The following IQCM variants were observed in gnomAD, a reference collection of about 807,000 sequenced individuals.
IQCM encodes IQ motif containing M, also known as IQ domain-containing protein M.
In IQCM, 45 loss-of-function variants were observed where a neutral mutation model predicts 57.6. That is an observed-to-expected ratio of 0.78 (90% confidence interval 0.62 to 1.00). IQCM has a LOEUF of 1.00. Ranked by LOEUF, IQCM falls within the 50% of genes least tolerant of loss-of-function variation. The pLI is 0.00. For synonymous variants in IQCM, 148 were observed against 158.9 expected (o/e 0.93, Z 0.51); for missense variants, 468 against 511.6 (o/e 0.91, Z 0.82).
chr4:149,488,430 G>T (rs1375841251), intron 12 of IQCM, among the ~76,000 whole-genome samples: 1 of 151,996 alleles, frequency 6.6e-6, no homozygotes, highest in African/African-American at 2.4e-5. Flanking sequence ...GGATAGACTT[G>T]GAATTTGAAA....
chr4:149,392,345 T>G (rs2111090994), intron 13 of IQCM, among the ~76,000 whole-genome samples: 1 of 152,108 alleles, frequency 6.6e-6, no homozygotes, highest in African/African-American at 2.4e-5. Context: ...AAGCTATAGC[T>G]AGCCAGTGGT....
At chr4:149,378,255 C>T (rs1179884010) in intron 13 of IQCM, among the ~76,000 whole-genome samples, 1 of 152,108 alleles carries the variant, frequency 6.6e-6, no homozygotes, top group Non-Finnish European at 1.5e-5. Context: ...GAGTGGGGAG[C>T]TGCTGAAAAG....
At chr4:149,557,369 C>T (rs540604656) in intron 10 of IQCM, among the ~76,000 whole-genome samples, 5 of 152,092 alleles carry the variant, frequency 3.3e-5, no homozygotes, top group Non-Finnish European at 7.3e-5. Flanking sequence ...TGCAAGATGT[C>T]CAATTTTGGG....
intron 9 of IQCM, among the ~76,000 whole-genome samples, chr4:149,564,674 C>G (rs904818184): frequency 7.9e-5 from 12 of 152,218 alleles, no homozygotes; most frequent in Non-Finnish European, 1.8e-4. Context: ...TATTTTTCTT[C>G]CGTACTGGTT....
chr4:149,400,143 TTATGGTCAATGAGAGAAGAGAATGTGA>T (rs1354571649), intron 13 of IQCM, among the ~76,000 whole-genome samples: 2 of 151,596 alleles, frequency 1.3e-5, no homozygotes, highest in Admixed American at 1.3e-4. Flanking sequence ...TGTAACACTA[TTATGGTCAATGAGAGAAGAGAATGTGA>T]GTAGGTTAGA....
chr4:149,781,573 G>C (rs560225437), intron 2 of IQCM, among the ~76,000 whole-genome samples: 8 of 152,100 alleles, frequency 5.3e-5, no homozygotes, highest in Non-Finnish European at 8.8e-5. Flanking sequence ...TAGTTGTTCT[G>C]TCTTATTATT....
intron 2 of IQCM, among the ~76,000 whole-genome samples, chr4:149,746,147 T>A (rs2149920667): frequency 6.6e-6 from 1 of 151,716 alleles, no homozygotes; most frequent in Non-Finnish European, 1.5e-5. Flanking sequence ...CAAATGGAAG[T>A]CCTCATTTAC....
At chr4:149,366,405 C>T (rs1161503093) in intron 13 of IQCM, among the ~76,000 whole-genome samples, 1 of 151,816 alleles carries the variant, frequency 6.6e-6, no homozygotes, top group Non-Finnish European at 1.5e-5. Context: ...CCTCTATGAT[C>T]CTACCTCCAA....
intron 2 of IQCM, among the ~76,000 whole-genome samples, chr4:149,775,694 A>C (rs1406452826): frequency 2.6e-5 from 4 of 152,034 alleles, no homozygotes; most frequent in Non-Finnish European, 4.4e-5. Context: ...AACATGGCAT[A>C]TTATACAGCT....
chr4:149,457,229 C>CATT (rs1233841410), intron 12 of IQCM, among the ~76,000 whole-genome samples: 2 of 152,168 alleles, frequency 1.3e-5, no homozygotes, highest in Non-Finnish European at 2.9e-5. Context: ...TTTGGGATTA[C>CATT]ATTATAATTA....
chr4:149,758,149 C>T (rs1413644758), intron 2 of IQCM, among the ~76,000 whole-genome samples: 2 of 151,994 alleles, frequency 1.3e-5, no homozygotes, highest in Admixed American at 6.6e-5. Context: ...GACAAAGGAG[C>T]TTTTGTAGCA....
intron 7 of IQCM, among the ~76,000 whole-genome samples, chr4:149,630,737 T>C (rs1165525439): frequency 6.6e-6 from 1 of 152,236 alleles, no homozygotes; most frequent in Non-Finnish European, 1.5e-5. Flanking sequence ...CTTTTAAATG[T>C]TCATATTTTT....
chr4:149,792,202 G>A (rs1772689001), intron 2 of IQCM, among the ~76,000 whole-genome samples: 1 of 151,928 alleles, frequency 6.6e-6, no homozygotes, highest in Admixed American at 6.6e-5. Flanking sequence ...ACATCAGAGG[G>A]GAGCCCATAT....
chr4:149,428,450 G>C (rs1734605045), intron 13 of IQCM, among the ~76,000 whole-genome samples: 1 of 151,794 alleles, frequency 6.6e-6, no homozygotes, highest in East Asian at 1.9e-4. Flanking sequence ...AGGGATCAAG[G>C]ATTAGGAGGG....
intron 13 of IQCM, among the ~76,000 whole-genome samples, chr4:149,431,321 T>C (rs1380521746): frequency 2.0e-5 from 3 of 152,042 alleles, no homozygotes; most frequent in Non-Finnish European, 4.4e-5. Context: ...TCATCCCTGC[T>C]GACACTTGAT....
chr4:149,682,529 G>A (rs1422787802), intron 6 of IQCM, among the ~76,000 whole-genome samples: 1 of 151,024 alleles, frequency 6.6e-6, no homozygotes, highest in Non-Finnish European at 1.5e-5. Flanking sequence ...AGATTTTTGA[G>A]TAGCATGTTT....
At chr4:149,755,139 A>G (rs1768840665) in intron 2 of IQCM, among the ~76,000 whole-genome samples, 1 of 152,168 alleles carries the variant, frequency 6.6e-6, no homozygotes, top group South Asian at 2.1e-4. Context: ...AGCTGAAACC[A>G]CTATTCTCTC....
chr4:149,484,817 C>T (rs1741294977), intron 12 of IQCM, among the ~76,000 whole-genome samples: 1 of 151,966 alleles, frequency 6.6e-6, no homozygotes, highest in South Asian at 2.1e-4. Context: ...TTTTCTTGCT[C>T]TTTAACATCC....
At chr4:149,440,205 T>C (rs71618321) in intron 12 of IQCM, among the ~76,000 whole-genome samples, 62 of 145,442 alleles carry the variant, frequency 4.3e-4, no homozygotes, top group African/African-American at 1.5e-3. Flanking sequence ...CAACCTCAGG[T>C]GATCTGCCGC....
Sources: gnomAD v4.1 joint callset for allele counts (sites outside exome capture counted in the v4.1 genomes callset) on GRCh38, gnomAD v4.1.1 for gene constraint, MANE v1.5 for transcripts, NCBI Gene and HGNC (gene_info 2026-07-23, HGNC 2026-07-21) for gene names.